The following TNKS variants were observed in gnomAD, a reference collection of about 807,000 sequenced individuals.
The protein encoded by TNKS is tankyrase, also known as poly [ADP-ribose] polymerase tankyrase-1.
Under a neutral mutation model 135.8 loss-of-function variants are expected in TNKS, and 72 were observed. That is an observed-to-expected ratio of 0.53 (90% CI 0.44 to 0.64). The LOEUF is 0.64. Among genes scored for constraint, TNKS ranks in the 30% least tolerant of loss-of-function variants. The pLI is 0.00. For synonymous variants in TNKS, 849 were observed against 649.3 expected (o/e 1.31, Z -4.68); for missense variants, 1,769 against 1,674.0 (o/e 1.06, Z -0.99).
chr8:9,684,314 A>G lies in TNKS; in HGVS notation c.1107+3514A>G, dbSNP rs146367264. ...TATCCACATGTTCTGGCCTTGTTTG[A>G]TATCTAAATTTAAGGTGGTAATATT... On this transcript the variant is annotated intron_variant, in intron 5 of 26. Coordinates refer to ENST00000310430, the MANE Select transcript of TNKS (RefSeq NM_003747.3). Among the ~76,000 whole-genome samples the G allele has an allele frequency of 1.5e-4, 23 of 152,034 alleles. 1 individual carries two copies. In the East Asian group the frequency reaches 4.4e-3, roughly 29 times the overall value.
intron 11 of TNKS, among the ~76,000 whole-genome samples, chr8:9,718,035 C>T (rs994106162): frequency 2.6e-5 from 4 of 151,636 alleles, no homozygotes; most frequent in Non-Finnish European, 5.9e-5. Context: ...TTAGTTAGTC[C>T]AAAAGGTACA....
intron 3 of TNKS, among the ~76,000 whole-genome samples, chr8:9,663,141 G>A (rs1441983407): frequency 6.6e-6 from 1 of 152,166 alleles, no homozygotes; most frequent in African/African-American, 2.4e-5. Flanking sequence ...AAGGAAATGT[G>A]TTTTCCCCTA....
intron 3 of TNKS, among the ~76,000 whole-genome samples, chr8:9,646,072 C>T (rs569517601): frequency 6.6e-6 from 1 of 152,170 alleles, no homozygotes; most frequent in African/African-American, 2.4e-5. Flanking sequence ...TTAGAAATTC[C>T]TGCTTAACAC....
chr8:9,564,477 A>G (rs770068688), intron 1 of TNKS, among the ~76,000 whole-genome samples: 1 of 152,252 alleles, frequency 6.6e-6, no homozygotes, highest in Non-Finnish European at 1.5e-5. Flanking sequence ...TTGGTTTTGG[A>G]AAGGAATAAA....
rs1808258709 is a variant in TNKS at position 9,777,068 on chromosome 8, A to G, written c.*332A>G. On this transcript the variant is annotated 3_prime_UTR_variant, in exon 27 of 27. Coordinates refer to ENST00000310430, the MANE Select transcript of TNKS (RefSeq NM_003747.3). ...AAAACCAATGCTTTTTCAAATGTTC[A>G]CAATTCACACACTACATTTGTTTTG... 1 of 280,080 alleles carries G rather than the reference A, an allele frequency of 3.6e-6. No homozygotes were observed. Among genetic ancestry groups the G allele is most frequent in the South Asian group, 5.7e-5 (1 of 17,506 alleles). 17.3% of individuals were successfully genotyped at this position (280,080 alleles called of 1,614,324 possible). A position where few individuals can be genotyped will look rare whatever the true frequency, so the allele number is the denominator to read the frequency against.
intron 2 of TNKS, among the ~76,000 whole-genome samples, chr8:9,589,041 A>C (rs1257337300): frequency 2.0e-5 from 3 of 152,180 alleles, no homozygotes; most frequent in African/African-American, 7.2e-5. Flanking sequence ...TGGTATGGGA[A>C]TTTGTCCTCA....
At chr8:9,563,476 G>A (rs1797414457) in intron 1 of TNKS, among the ~76,000 whole-genome samples, 2 of 152,110 alleles carry the variant, frequency 1.3e-5, no homozygotes, top group African/African-American at 4.8e-5. Context: ...GTAAATGAAT[G>A]AGTGTGATTG....
chr8:9,766,502 T>TTGAGA, intron 25 of TNKS, 77 bp downstream of exon 25: 1 of 1,182,648 alleles, frequency 8.5e-7, no homozygotes, highest in African/African-American at 1.7e-5. Context: ...TTTTTTTTTT[T>TTGAGA]TGAGATGAAG....
At chr8:9,586,882 C>T (rs768170765) in intron 2 of TNKS, among the ~76,000 whole-genome samples, 140 of 151,912 alleles carry the variant, frequency 9.2e-4, no homozygotes, top group Non-Finnish European at 1.6e-3. Context: ...TGAGGGTCAC[C>T]GTGGTCTGCT....
At chr8:9,625,478 A>G (rs1800023034) in intron 3 of TNKS, among the ~76,000 whole-genome samples, 2 of 151,828 alleles carry the variant, frequency 1.3e-5, no homozygotes. Context: ...AGGAGCTTAG[A>G]AAATTGACCT....
At chr8:9,572,132 T>G (rs1372466814) in intron 1 of TNKS, among the ~76,000 whole-genome samples, 1 of 152,230 alleles carries the variant, frequency 6.6e-6, no homozygotes, top group Non-Finnish European at 1.5e-5. Context: ...GAATTCATTT[T>G]TTGTCATGAG....
At chr8:9,688,241 A>G (rs1272902625) in intron 5 of TNKS, among the ~76,000 whole-genome samples, 1 of 152,232 alleles carries the variant, frequency 6.6e-6, no homozygotes, top group African/African-American at 2.4e-5. Context: ...AGAGTATTCT[A>G]CAAAAAGTTA....
intron 11 of TNKS, among the ~76,000 whole-genome samples, chr8:9,717,262 A>G (rs551308668): frequency 2.0e-5 from 3 of 151,436 alleles, no homozygotes; most frequent in South Asian, 4.2e-4. Context: ...ATTGATTACT[A>G]TGTCAGTATT....
intron 5 of TNKS, among the ~76,000 whole-genome samples, chr8:9,691,443 C>A (rs1488033613): frequency 2.0e-5 from 3 of 152,202 alleles, no homozygotes; most frequent in Non-Finnish European, 2.9e-5. Flanking sequence ...AGATCCCTGC[C>A]TGCCAAGAGT....
At position 9,556,705 on chromosome 8, in the gene TNKS, T is replaced by TG. The variant is rs1161594143; in HGVS notation, c.673+98dup. On this transcript the variant is annotated intron_variant, in intron 1 of 26. Coordinates refer to ENST00000310430, the MANE Select transcript of TNKS (RefSeq NM_003747.3). ...AACAGGTTATTGTGATGGGACAAAG[T>TG]GGGGGCGTGGTTATGGTTCTTCATC... 4 of 1,445,486 alleles carry TG rather than the reference T, an allele frequency of 2.8e-6. No individual in the cohort carries two copies. The East Asian group carries it at 6.9e-5, about 25-fold the overall frequency. 89.5% of individuals were successfully genotyped at this position (1,445,486 alleles called of 1,614,324 possible). A position where few individuals can be genotyped will look rare whatever the true frequency, so the allele number is the denominator to read the frequency against.
chr8:9,754,845 A>G (rs973046511), intron 20 of TNKS, among the ~76,000 whole-genome samples: 2 of 152,074 alleles, frequency 1.3e-5, no homozygotes, highest in East Asian at 1.9e-4. Flanking sequence ...TTCTTTTCCA[A>G]CCATTTATTC....
chr8:9,662,598 G>C (rs925785492), intron 3 of TNKS, among the ~76,000 whole-genome samples: 1 of 152,102 alleles, frequency 6.6e-6, no homozygotes, highest in Non-Finnish European at 1.5e-5. Flanking sequence ...ACAGTTGTGT[G>C]GTGGGGATAG....
In TNKS at chr8:9,710,146, A is replaced by T. The variant is rs775615207; in HGVS notation, c.1675A>T (p.Met559Leu). The T allele has an allele frequency of 6.2e-7, 1 of 1,614,164 alleles. No individual in the cohort carries two copies. Among genetic ancestry groups the T allele is most frequent in the African/African-American group, 1.3e-5 (1 of 75,050 alleles). The change falls in exon 11 of 27, where the codon ATG becomes TTG. Residue 559 changes from methionine (M) to leucine (L), a missense_variant. Physicochemically the swap from Met to Leu is conservative, Grantham distance 15. Around this residue, in one of 5 missense-constraint regions of TNKS, gnomAD observed 523 missense variants for 541.0 expected, o/e 0.97. Coordinates refer to ENST00000310430, the MANE Select transcript of TNKS (RefSeq NM_003747.3). ...TTTCTTTCCTCTTTTCTGTAGTTTC[A>T]TGACTCCCCTGCATGTTGCAGCCGA... ...ANVNEKNKDF[M>L]TPLHVAAERA...
At chr8:9,607,247 T>A (rs1563112649) in intron 2 of TNKS, among the ~76,000 whole-genome samples, 1 of 152,238 alleles carries the variant, frequency 6.6e-6, no homozygotes, top group Non-Finnish European at 1.5e-5. Context: ...GGAATCATTT[T>A]ACATTTATGC....
Sources: allele counts gnomAD v4.1 joint callset (sites outside exome capture counted in the v4.1 genomes callset), GRCh38; gene constraint gnomAD v4.1.1; regional missense constraint gnomAD v4.1.1; transcripts MANE v1.5; gene names NCBI Gene and HGNC (gene_info 2026-07-23, HGNC 2026-07-21).